The following MEI4 variants were observed in gnomAD, a reference collection of about 807,000 sequenced individuals.
MEI4 encodes the protein meiotic double-stranded break formation protein 4.
Under a neutral mutation model 31.4 loss-of-function variants are expected in MEI4, and 27 were observed. The ratio of observed to expected loss-of-function variants is 0.86; its 90% CI spans 0.63 to 1.19. MEI4 has a LOEUF of 1.19. MEI4 is among the 50% of genes most tolerant of loss of function. MEI4 has a pLI of 0.00. For missense variants in MEI4, 329 were observed against 398.9 expected (o/e 0.82, Z 1.49); for synonymous variants, 122 against 145.4 (o/e 0.84, Z 1.16).
intron 3 of MEI4, among the ~76,000 whole-genome samples, chr6:77,792,590 T>C (rs756663655): frequency 2.2e-4 from 34 of 152,340 alleles, no homozygotes; most frequent in Non-Finnish European, 4.4e-4. Context: ...TGTTTTCCTC[T>C]AGTAATTTTA....
chr6:77,775,111 AG>A (rs1412497187), intron 3 of MEI4, among the ~76,000 whole-genome samples: 2 of 150,520 alleles, frequency 1.3e-5, no homozygotes, highest in Non-Finnish European at 2.9e-5. Context: ...GACGGCATTT[AG>A]GGACCTCCTG....
At chr6:77,679,472 G>GGCTATACTGTATAGCCT (rs55747861) in intron 1 of MEI4, among the ~76,000 whole-genome samples, 1 of 151,584 alleles carries the variant, frequency 6.6e-6, no homozygotes, top group Admixed American at 6.6e-5. Context: ...AGGAGCAATA[G>GGCTATACTGTATAGCCT]ATGTAGATTT....
chr6:77,687,976 T>C (rs531065311), intron 1 of MEI4, among the ~76,000 whole-genome samples: 5 of 152,230 alleles, frequency 3.3e-5, no homozygotes, highest in African/African-American at 9.6e-5. Flanking sequence ...CTTTTAATTA[T>C]GGTTTGGTCT....
intron 4 of MEI4, among the ~76,000 whole-genome samples, chr6:77,871,127 G>A (rs1334286799): frequency 6.6e-6 from 1 of 152,090 alleles, no homozygotes. Flanking sequence ...AGTTGGAGGT[G>A]ACTTAGACCA....
chr6:77,754,039 G>A (rs1022348167), intron 2 of MEI4, among the ~76,000 whole-genome samples: 1 of 152,034 alleles, frequency 6.6e-6, no homozygotes, highest in Non-Finnish European at 1.5e-5. Flanking sequence ...TCATAAGTGG[G>A]AGTTGAACAA....
At chr6:77,673,065 T>C (rs936391522) in intron 1 of MEI4, among the ~76,000 whole-genome samples, 1 of 152,214 alleles carries the variant, frequency 6.6e-6, no homozygotes, top group Non-Finnish European at 1.5e-5. Flanking sequence ...CAGAATTGAC[T>C]AATTGTTCTT....
intron 3 of MEI4, among the ~76,000 whole-genome samples, chr6:77,804,566 G>C (rs533179456): frequency 6.6e-6 from 1 of 152,264 alleles, no homozygotes; most frequent in Non-Finnish European, 1.5e-5. Flanking sequence ...TCTGTAGACT[G>C]GAGCTGTTCC....
rs185366323 is a variant in MEI4 at position 77,756,675 on chromosome 6, C to T, written c.233-4455C>T. 7.9e-5 allele frequency among the ~76,000 whole-genome samples: 12 copies of T among 151,508 alleles called. No individual in the cohort carries two copies. The East Asian group carries it at 1.2e-3, about 15-fold the overall frequency. ...TCTTTGTATTCCTCTCTCTCCCCCC[C>T]GCCGCCTTCTCCTTCTCTCTATTTC... On this transcript the variant is annotated intron_variant, in intron 2 of 4. Transcript: ENST00000684080.
At chr6:77,801,789 G>T (rs886723797) in intron 3 of MEI4, among the ~76,000 whole-genome samples, 15 of 152,208 alleles carry the variant, frequency 9.9e-5, no homozygotes, top group Non-Finnish European at 1.9e-4. Context: ...GCGGTTTTGA[G>T]TGAGTTTCTG....
chr6:77,811,028 T>G (rs571488170), intron 3 of MEI4, among the ~76,000 whole-genome samples: 13 of 152,330 alleles, frequency 8.5e-5, no homozygotes, highest in African/African-American at 2.6e-4. Context: ...AAAACTCAAT[T>G]GCAGTCTAAT....
chr6:77,713,491 A>C (rs1766512492), intron 2 of MEI4, among the ~76,000 whole-genome samples: 1 of 152,118 alleles, frequency 6.6e-6, no homozygotes, highest in Non-Finnish European at 1.5e-5. Flanking sequence ...AATATTTAAG[A>C]GTGTTGTGTG....
chr6:77,807,491 A>C (rs1769469195), intron 3 of MEI4, among the ~76,000 whole-genome samples: 1 of 152,104 alleles, frequency 6.6e-6, no homozygotes, highest in Admixed American at 6.6e-5. Flanking sequence ...GACATTTGCC[A>C]ATCATGTTTT....
rs1766837842 is a variant in MEI4 at position 77,926,089 on chromosome 6, T to C, written c.*2743T>C. On this transcript the variant is annotated 3_prime_UTR_variant, in exon 5 of 5. Coordinates refer to ENST00000684080, the MANE Select transcript of MEI4 (RefSeq NM_001322247.2). ...ATCTTCCAATTCCACACTCCTACTTTACTGCACTGCCTGTTATGTGCAGCT... is the reference window on the plus strand; with the variant it reads ...ATCTTCCAATTCCACACTCCTACTTCACTGCACTGCCTGTTATGTGCAGCT... The C allele has an allele frequency of 6.6e-6, 1 of 151,890 alleles. No individual in the cohort carries two copies. The highest frequency in any genetic ancestry group is 1.9e-4 in the East Asian group (1 of 5,158). The allele number at this position is 151,890 out of a possible 1,614,324, so 9.4% of individuals were successfully genotyped here.
At chr6:77,770,843 G>A (rs1293280514) in intron 3 of MEI4, among the ~76,000 whole-genome samples, 1 of 152,108 alleles carries the variant, frequency 6.6e-6, no homozygotes, top group Non-Finnish European at 1.5e-5. Flanking sequence ...AACCCTGGGA[G>A]ATGACCTAGG....
At chr6:77,697,182 G>A (rs1052548108) in intron 2 of MEI4, among the ~76,000 whole-genome samples, 5 of 151,844 alleles carry the variant, frequency 3.3e-5, no homozygotes, top group African/African-American at 7.3e-5. Context: ...TGTTGCTAGC[G>A]GTCTATCAAT....
intron 2 of MEI4, among the ~76,000 whole-genome samples, chr6:77,748,648 T>C (rs1455569733): frequency 6.6e-6 from 1 of 152,242 alleles, no homozygotes; most frequent in Non-Finnish European, 1.5e-5. Flanking sequence ...AACATTAGAC[T>C]CCTCATTATT....
chr6:77,714,236 TTAA>T (rs1561955452), intron 2 of MEI4, among the ~76,000 whole-genome samples: 1 of 61,362 alleles, frequency 1.6e-5, no homozygotes. Context: ...ACTTAAAAAT[TTAA>T]AAAAAAAACA....
rs142312015 is a variant in MEI4 at position 77,755,862 on chromosome 6, C to T, written c.233-5268C>T. 4.6e-3 allele frequency among the ~76,000 whole-genome samples: 549 copies of T among 119,970 alleles called. 2 individuals are homozygous for T. Among genetic ancestry groups the T allele is most frequent in the Middle Eastern group, 0.018 (5 of 272 alleles). 78.7% of individuals were successfully genotyped at this position (119,970 alleles called of 152,430 possible). On this transcript the variant is annotated intron_variant, in intron 2 of 4. Transcript: ENST00000684080. ...TGTGTGTGTGTGTGTGTGTATTTTA[C>T]CTCTATTAAATCTAATGACAAACAG...
chr6:77,755,482 G>A (rs1168337768), intron 2 of MEI4, among the ~76,000 whole-genome samples: 2 of 151,748 alleles, frequency 1.3e-5, no homozygotes, highest in African/African-American at 4.8e-5. Context: ...GCAGTGGCAC[G>A]ATCTCGGTTT....
Sources: gnomAD v4.1 joint callset for allele counts (sites outside exome capture counted in the v4.1 genomes callset) on GRCh38, gnomAD v4.1.1 for gene constraint, MANE v1.5 for transcripts, NCBI Gene and HGNC (gene_info 2026-07-23, HGNC 2026-07-21) for gene names.